The following RGS6 variants were observed in gnomAD, a reference collection of about 807,000 sequenced individuals.
RGS6 encodes the protein regulator of G-protein signaling 6.
Under a neutral mutation model 78.5 loss-of-function variants are expected in RGS6, and 30 were observed. That is an observed-to-expected ratio of 0.38 (90% CI 0.29 to 0.52). The LOEUF is 0.52. RGS6 is among the 20% of genes least tolerant of loss of function. RGS6 has a pLI of 0.85. For missense variants in RGS6, 495 were observed against 609.7 expected, an observed-to-expected ratio of 0.81 and a Z score of 1.98; for synonymous variants, 206 against 206.0, an observed-to-expected ratio of 1.00 and a Z score of 0.00.
At chr14:72,553,104 G>C (rs2097529053) in intron 17 of RGS6, among the ~76,000 whole-genome samples, 1 of 152,212 alleles carries the variant, frequency 6.6e-6, no homozygotes, top group Non-Finnish European at 1.5e-5. Context: ...GTTCGCCTCT[G>C]TGTTCAGTGT....
chr14:72,074,807 A>G (rs1340311234), intron 2 of RGS6, among the ~76,000 whole-genome samples: 1 of 152,116 alleles, frequency 6.6e-6, no homozygotes, highest in Non-Finnish European at 1.5e-5. Context: ...TCATCAACAG[A>G]GGTTGCATTT....
chr14:72,029,148 C>A lies in RGS6; in HGVS notation c.84+64273C>A, dbSNP rs377661355. Among the ~76,000 whole-genome samples the A allele has an allele frequency of 1.0e-3, 156 of 152,322 alleles. 6 individuals are homozygous for A. The South Asian group carries it at 0.031, about 30-fold the overall frequency. ...TATTGAGTGTCACCTATAGCAGGAA[C>A]CAGTTTTTCTTTATCCCTCGTTCTG... On this transcript the variant is annotated intron_variant, in intron 2 of 17. Coordinates refer to ENST00000553525, the MANE Select transcript of RGS6 (RefSeq NM_001204424.2).
intron 2 of RGS6, among the ~76,000 whole-genome samples, chr14:72,023,256 T>C (rs2089114319): frequency 6.6e-6 from 1 of 152,224 alleles, no homozygotes; most frequent in Admixed American, 6.5e-5. Flanking sequence ...GAAATATATT[T>C]GGTGGAGCTC....
chr14:71,929,620 T>C (rs36330), upstream of RGS6, among the ~76,000 whole-genome samples: 9,194 of 152,318 alleles, frequency 0.06, 380 homozygotes, highest in Non-Finnish European at 0.091. Flanking sequence ...AGATATGCTT[T>C]GAGACTATGT....
At chr14:72,406,154 A>G (rs915836699) in intron 3 of RGS6, among the ~76,000 whole-genome samples, 5 of 152,198 alleles carry the variant, frequency 3.3e-5, no homozygotes, top group Admixed American at 2.6e-4. Context: ...TGGGAGGCCG[A>G]GGCAGGCAGA....
At chr14:71,912,926 T>C in the RGS6 span, among the ~76,000 whole-genome samples, 5 of 151,948 alleles carry the variant, frequency 3.3e-5, no homozygotes, top group Admixed American at 6.6e-5. Context: ...CCCGGGTTCA[T>C]GCCATTCTCC....
chr14:72,344,238 C>G (rs2077561761), intron 2 of RGS6, among the ~76,000 whole-genome samples: 1 of 152,180 alleles, frequency 6.6e-6, no homozygotes, highest in Admixed American at 6.5e-5. Flanking sequence ...ATGAAGCACT[C>G]CATATGGCAA....
chr14:72,225,759 T>C (rs1308466256), intron 2 of RGS6, among the ~76,000 whole-genome samples: 1 of 152,250 alleles, frequency 6.6e-6, no homozygotes, highest in Non-Finnish European at 1.5e-5. Flanking sequence ...AATAGGGTCA[T>C]ACTATATTTA....
chr14:72,387,850 G>A (rs2152927520), intron 3 of RGS6, among the ~76,000 whole-genome samples: 1 of 152,230 alleles, frequency 6.6e-6, no homozygotes, highest in South Asian at 2.1e-4. Flanking sequence ...CATGGTGGGG[G>A]CAGGGTTGGT....
chr14:72,609,927 C>T, the RGS6 span, among the ~76,000 whole-genome samples: 4 of 152,210 alleles, frequency 2.6e-5, no homozygotes, highest in Admixed American at 6.5e-5. Context: ...AGAGGCAATG[C>T]GGCGTTGGGT....
At chr14:72,598,841 T>G in the RGS6 span, among the ~76,000 whole-genome samples, 4 of 152,344 alleles carry the variant, frequency 2.6e-5, no homozygotes, top group South Asian at 2.1e-4. Flanking sequence ...TCTCCCCTTC[T>G]AGGACTTCGG....
chr14:71,884,825 G>C, the RGS6 span, among the ~76,000 whole-genome samples: 1 of 152,176 alleles, frequency 6.6e-6, no homozygotes, highest in Non-Finnish European at 1.5e-5. Flanking sequence ...CCTGGGGCCA[G>C]AACTAGGCAC....
chr14:72,063,053 G>C (rs2065655301), intron 2 of RGS6, among the ~76,000 whole-genome samples: 1 of 152,038 alleles, frequency 6.6e-6, no homozygotes, highest in African/African-American at 2.4e-5. Flanking sequence ...CGAACTTCTG[G>C]CCTCAAGTGA....
At chr14:71,976,482 G>C (rs926710713) in intron 2 of RGS6, among the ~76,000 whole-genome samples, 5 of 144,014 alleles carry the variant, frequency 3.5e-5, no homozygotes, top group African/African-American at 1.3e-4. Context: ...TCATTGTTCA[G>C]TTCCCACCTA....
chr14:72,479,524 G>C (rs1215428899), intron 12 of RGS6, among the ~76,000 whole-genome samples: 2 of 152,220 alleles, frequency 1.3e-5, no homozygotes, highest in African/African-American at 4.8e-5. Context: ...TGTCCCCTGG[G>C]TGGGGTGAAA....
chr14:71,997,209 A>C (rs4453407), intron 2 of RGS6, among the ~76,000 whole-genome samples: 148,801 of 152,240 alleles, frequency 0.98, 72,740 homozygotes, highest in East Asian at 1. Flanking sequence ...GGAGAGATGT[A>C]TGAATGATGC....
At chr14:72,241,665 T>C (rs1329651430) in intron 2 of RGS6, among the ~76,000 whole-genome samples, 1 of 152,242 alleles carries the variant, frequency 6.6e-6, no homozygotes, top group Admixed American at 6.5e-5. Flanking sequence ...TTGTTTATAA[T>C]TTTTGTCCTT....
intron 2 of RGS6, among the ~76,000 whole-genome samples, chr14:72,068,137 A>ATT (rs10691175): frequency 0.15 from 21,464 of 145,360 alleles, 1,789 homozygotes; most frequent in Middle Eastern, 0.17. Flanking sequence ...GTATGTATGT[A>ATT]TTTTTTTTTT....
intron 6 of RGS6, among the ~76,000 whole-genome samples, chr14:72,463,608 T>C (rs1403381829): frequency 6.6e-6 from 1 of 152,258 alleles, no homozygotes; most frequent in Non-Finnish European, 1.5e-5. Context: ...TCTGCCTGCA[T>C]AAAACCCACA....
Sources: allele counts gnomAD v4.1 joint callset (sites outside exome capture counted in the v4.1 genomes callset), GRCh38; gene constraint gnomAD v4.1.1; transcripts MANE v1.5; gene names NCBI Gene and HGNC (gene_info 2026-07-23, HGNC 2026-07-21).